The following MALT1 variants were observed in gnomAD, a reference collection of about 807,000 sequenced individuals.
MALT1 encodes mucosa-associated lymphoid tissue lymphoma translocation protein 1.
Under a neutral mutation model 85.5 loss-of-function variants are expected in MALT1, and 36 were observed. The ratio of observed to expected loss-of-function variants is 0.42; its 90% confidence interval spans 0.32 to 0.56. The LOEUF is 0.56. Ranked by LOEUF, MALT1 falls within the 20% of genes least tolerant of loss-of-function variation. MALT1 has a pLI of 0.10. For missense variants in MALT1, 716 were observed against 981.6 expected (o/e 0.73, Z 3.62); for synonymous variants, 359 against 361.3 (o/e 0.99, Z 0.07).
chr18:58,719,593 G>C (rs957024927), intron 9 of MALT1, among the ~76,000 whole-genome samples: 4 of 152,190 alleles, frequency 2.6e-5, no homozygotes, highest in Non-Finnish European at 5.9e-5. Flanking sequence ...GTTGCTCAAA[G>C]AAAGTCGTGA....
chr18:58,672,436 A>G (rs1403407159), intron 1 of MALT1: 2 of 152,208 alleles, frequency 1.3e-5, no homozygotes, highest in Admixed American at 6.5e-5. Flanking sequence ...ACTCGAAGTA[A>G]AACTATTTTC....
intron 13 of MALT1, among the ~76,000 whole-genome samples, chr18:58,739,710 G>T (rs2055275259): frequency 6.6e-6 from 1 of 152,020 alleles, no homozygotes; most frequent in Non-Finnish European, 1.5e-5. Flanking sequence ...TGCATCCCCA[G>T]CCTGCCTGCC....
At chr18:58,692,223 T>TC (rs948773762) in intron 2 of MALT1, 2 of 151,772 alleles carry the variant, frequency 1.3e-5, no homozygotes, top group Non-Finnish European at 2.9e-5. Flanking sequence ...GGGCCTGGGG[T>TC]CCCCCTGGAG....
intron 1 of MALT1, among the ~76,000 whole-genome samples, chr18:58,676,855 T>C (rs865970319): frequency 3.3e-5 from 5 of 152,136 alleles, no homozygotes; most frequent in Admixed American, 1.3e-4. Context: ...ATCAAATTAA[T>C]GAATAAAGAT....
chr18:58,686,364 T>C (rs2054403369), intron 2 of MALT1, among the ~76,000 whole-genome samples: 1 of 152,132 alleles, frequency 6.6e-6, no homozygotes, highest in Non-Finnish European at 1.5e-5. Flanking sequence ...ACATTGTGAG[T>C]GTAGAATTAT....
chr18:58,725,831 C>T (rs1230673062), intron 10 of MALT1, among the ~76,000 whole-genome samples: 2 of 152,172 alleles, frequency 1.3e-5, no homozygotes, highest in Admixed American at 6.5e-5. Context: ...GAGGCCAAGG[C>T]GGGCAGATCA....
intron 1 of MALT1, among the ~76,000 whole-genome samples, chr18:58,675,741 C>G (rs2054230266): frequency 6.6e-6 from 1 of 152,220 alleles, no homozygotes; most frequent in African/African-American, 2.4e-5. Context: ...TCTTATCCTT[C>G]AGTCCCATGA....
In MALT1 at chr18:58,750,172, A is replaced by G. The variant is rs1284232394; in HGVS notation, c.*2330A>G. The stretch of plus-strand genomic sequence containing the variant: ...ACAAGATCAGTTTTATTTCTCTACT[A>G]ACAGCAAACATTCTGAAAATGAGAA... On this transcript the variant is annotated 3_prime_UTR_variant, in exon 17 of 17. Coordinates refer to ENST00000649217, the MANE Select transcript of MALT1 (RefSeq NM_006785.4). The G allele has an allele frequency of 5.6e-6, 1 of 177,552 alleles. No individual in the cohort carries two copies. The highest frequency in any genetic ancestry group is 1.2e-5 in the Non-Finnish European group (1 of 82,582). 11.0% of individuals were successfully genotyped at this position (177,552 alleles called of 1,614,324 possible).
chr18:58,702,040 T>C (rs543275599), intron 4 of MALT1, among the ~76,000 whole-genome samples: 1 of 152,198 alleles, frequency 6.6e-6, no homozygotes, highest in South Asian at 2.1e-4. Flanking sequence ...TCTGAAGGAT[T>C]CTTGATATCT....
intron 2 of MALT1, among the ~76,000 whole-genome samples, chr18:58,684,045 G>A (rs941710428): frequency 4.6e-5 from 7 of 152,084 alleles, no homozygotes; most frequent in Admixed American, 3.9e-4. Flanking sequence ...CAATCCTCCC[G>A]CCTCAGCCTC....
rs59890170 is a variant in MALT1 at position 58,705,289 on chromosome 18, C to CGTGTGTGT, written c.650-4062_650-4055dup. ...ACTTTTGAGCAATCTTGTAAAAGTA[C>CGTGTGTGT]GTGTGTGTGTGTGTGTGTGTGTGTG... On this transcript the variant is annotated intron_variant, in intron 4 of 16. Transcript: ENST00000649217. 5.6e-3 allele frequency among the ~76,000 whole-genome samples: 818 copies of CGTGTGTGT among 147,094 alleles called. 3 individuals are homozygous for CGTGTGTGT. The highest frequency in any genetic ancestry group is 7.4e-3 in the South Asian group (34 of 4,566).
intron 8 of MALT1, among the ~76,000 whole-genome samples, chr18:58,715,630 A>G (rs2054888573): frequency 6.6e-6 from 1 of 152,160 alleles, no homozygotes. Context: ...TAATTTCCTT[A>G]TCTATATAAT....
chr18:58,746,129 C>A (rs1468314552), intron 16 of MALT1, among the ~76,000 whole-genome samples: 2 of 152,080 alleles, frequency 1.3e-5, no homozygotes, highest in East Asian at 3.8e-4. Flanking sequence ...ATGATCCTGC[C>A]ACCTCAGCTT....
chr18:58,740,508 T>A, intron 13 of MALT1, among the ~76,000 whole-genome samples: 1 of 106,664 alleles, frequency 9.4e-6, no homozygotes, highest in Admixed American at 9.1e-5. Context: ...TTAGTTGACT[T>A]TTTTTTTCTT....
chr18:58,743,297 A>G (rs535655399), intron 14 of MALT1, among the ~76,000 whole-genome samples: 2 of 152,240 alleles, frequency 1.3e-5, no homozygotes, highest in Admixed American at 1.3e-4. Context: ...AATCACTTGA[A>G]CCTGGGAGTC....
chr18:58,698,844 G>A (rs1297420563), intron 3 of MALT1, among the ~76,000 whole-genome samples: 1 of 152,208 alleles, frequency 6.6e-6, no homozygotes, highest in African/African-American at 2.4e-5. Flanking sequence ...AGCAAAGTTT[G>A]TGGTAATGTT....
rs1038830950 is a variant in MALT1 at position 58,731,748 on chromosome 18, C to G, written c.1223-1649C>G. On this transcript the variant is annotated intron_variant, in intron 10 of 16. Coordinates refer to ENST00000649217, the MANE Select transcript of MALT1 (RefSeq NM_006785.4). Reference sequence around the variant, plus strand: ...TGGCATTTAATTATGTGATGACTTTCATTGTTGCTTGATAACATAAACGTG... The same window carrying G: ...TGGCATTTAATTATGTGATGACTTTGATTGTTGCTTGATAACATAAACGTG... Among the ~76,000 whole-genome samples, 4 of 151,778 alleles carry G rather than the reference C, an allele frequency of 2.6e-5. No individual in the cohort carries two copies. In the East Asian group the frequency reaches 7.7e-4, roughly 29 times the overall value.
chr18:58,729,035 G>A (rs1180533337), intron 10 of MALT1, among the ~76,000 whole-genome samples: 2 of 152,180 alleles, frequency 1.3e-5, no homozygotes, highest in East Asian at 1.9e-4. Context: ...GAGACCTCCA[G>A]ATCTGACCCT....
chr18:58,751,988 A>T lies in MALT1; in HGVS notation c.*4146A>T, dbSNP rs1015943474. 1 of 152,226 alleles carries T rather than the reference A, an allele frequency of 6.6e-6. No homozygotes were observed. The highest frequency in any genetic ancestry group is 1.9e-4 in the East Asian group (1 of 5,204). The allele number at this position is 152,226 out of a possible 1,614,324, so 9.4% of individuals were successfully genotyped here. ...TGGCACAGAAAAGGTCCATTTAGACATTGCCTTCTTCCCCCATCTCTAATG... is the reference window on the plus strand; with the variant it reads ...TGGCACAGAAAAGGTCCATTTAGACTTTGCCTTCTTCCCCCATCTCTAATG... On this transcript the variant is annotated 3_prime_UTR_variant, in exon 17 of 17. Coordinates refer to ENST00000649217, the MANE Select transcript of MALT1 (RefSeq NM_006785.4).
Sources: allele counts gnomAD v4.1 joint callset (sites outside exome capture counted in the v4.1 genomes callset), GRCh38; gene constraint gnomAD v4.1.1; transcripts MANE v1.5; gene names NCBI Gene and HGNC (gene_info 2026-07-23, HGNC 2026-07-21).